The following TASP1 variants were observed in gnomAD, a reference collection of about 807,000 sequenced individuals.
TASP1 encodes the protein taspase 1.
A neutral mutation model predicts 56.6 loss-of-function variants in TASP1; 16 were observed. That is an observed-to-expected ratio of 0.28 (90% CI 0.19 to 0.43). TASP1 has a LOEUF of 0.43. TASP1 is among the 20% of genes least tolerant of loss of function. TASP1 has a pLI of 1.00. For missense variants in TASP1, 393 were observed against 511.6 expected (o/e 0.77, Z 2.24); for synonymous variants, 179 against 184.2 (o/e 0.97, Z 0.23).
At chr20:13,393,641 G>A (rs2041380553) in intron 13 of TASP1, 1 of 1,287,542 alleles carries the variant, frequency 7.8e-7, no homozygotes, top group Non-Finnish European at 1.1e-6. Flanking sequence ...ATATGGTGGT[G>A]GACCTCATGG....
At chr20:13,362,834 T>TATATAC in the TASP1 span, among the ~76,000 whole-genome samples, 2 of 130,618 alleles carry the variant, frequency 1.5e-5, no homozygotes, top group African/African-American at 6.2e-5. Flanking sequence ...TATATATATA[T>TATATAC]ATATTTGTCT....
the TASP1 span, among the ~76,000 whole-genome samples, chr20:13,316,920 A>G: frequency 6.6e-6 from 1 of 151,800 alleles, no homozygotes; most frequent in African/African-American, 2.4e-5. Context: ...ACATCATACT[A>G]CAAGTCCTAT....
intron 8 of TASP1, among the ~76,000 whole-genome samples, chr20:13,550,518 G>A (rs1297957658): frequency 6.6e-6 from 1 of 151,776 alleles, no homozygotes; most frequent in Non-Finnish European, 1.5e-5. Context: ...TCATTTCACA[G>A]AATGAGTTTT....
At chr20:13,519,502 C>A (rs144584646) in intron 10 of TASP1, among the ~76,000 whole-genome samples, 1,829 of 152,244 alleles carry the variant, frequency 0.012, 17 homozygotes, top group Non-Finnish European at 0.021. Context: ...AGCATATAAA[C>A]AGAACCAATG....
chr20:13,569,451 T>C lies in TASP1; in HGVS notation c.568+56A>G, dbSNP rs183542089. On this transcript the variant is annotated intron_variant, in intron 7 of 13. Transcript: ENST00000337743. ...TACATGGGTCATAACAGAAGCAATA[T>C]TATACTTTAGGTATATATGCTCATA... is the stretch of plus-strand genomic sequence containing the variant. 7.9e-5 allele frequency: 107 copies of C among 1,345,952 alleles called. 2 individuals carry two copies. In the East Asian group the frequency reaches 2.3e-3, roughly 29 times the overall value. 83.4% of individuals were successfully genotyped at this position (1,345,952 alleles called of 1,614,324 possible). A position where few individuals can be genotyped will look rare whatever the true frequency, so the allele number is the denominator to read the frequency against.
chr20:13,626,665 GA>G (rs2048902713), intron 2 of TASP1, among the ~76,000 whole-genome samples: 1 of 152,112 alleles, frequency 6.6e-6, no homozygotes. Context: ...TGTTTCTCAA[GA>G]GAACTCTGAA....
At chr20:13,288,076 G>T in the TASP1 span, among the ~76,000 whole-genome samples, 3 of 152,192 alleles carry the variant, frequency 2.0e-5, no homozygotes, top group East Asian at 3.9e-4. Context: ...ATCTTTCACA[G>T]TAACTGGATT....
chr20:13,307,339 C>T, the TASP1 span, among the ~76,000 whole-genome samples: 5 of 152,134 alleles, frequency 3.3e-5, no homozygotes, highest in Non-Finnish European at 2.9e-5. Context: ...CATAAGTTCA[C>T]GGCTCAATGA....
the TASP1 span, among the ~76,000 whole-genome samples, chr20:13,367,266 T>C: frequency 6.6e-6 from 1 of 152,244 alleles, no homozygotes; most frequent in South Asian, 2.1e-4. Context: ...TTAACTGTCT[T>C]GGGCTTTGTG....
intron 6 of TASP1, among the ~76,000 whole-genome samples, chr20:13,574,502 G>A (rs1376503730): frequency 3.3e-5 from 5 of 152,054 alleles, no homozygotes; most frequent in East Asian, 1.9e-4. Flanking sequence ...TCATTCAATC[G>A]AAAACAATCC....
At chr20:13,333,286 AG>A in the TASP1 span, among the ~76,000 whole-genome samples, 1 of 152,214 alleles carries the variant, frequency 6.6e-6, no homozygotes, top group Non-Finnish European at 1.5e-5. Flanking sequence ...TGTGGAATCA[AG>A]TGTGACATTT....
intron 12 of TASP1, among the ~76,000 whole-genome samples, chr20:13,420,838 G>C (rs1271258031): frequency 6.6e-6 from 1 of 152,094 alleles, no homozygotes; most frequent in Non-Finnish European, 1.5e-5. Context: ...TGGACTCTGG[G>C]ATCACAAAGC....
intron 8 of TASP1, among the ~76,000 whole-genome samples, chr20:13,544,696 T>C (rs759817113): frequency 3.3e-5 from 5 of 152,236 alleles, no homozygotes; most frequent in Non-Finnish European, 7.3e-5. Flanking sequence ...AATTTAGTTG[T>C]CCAATTTGGC....
intron 10 of TASP1, among the ~76,000 whole-genome samples, chr20:13,484,726 G>C (rs1195139087): frequency 1.1e-5 from 1 of 92,168 alleles, no homozygotes; most frequent in African/African-American, 4.1e-5. Context: ...ACAAGAACAA[G>C]ATTTCTCAAA....
the TASP1 span, among the ~76,000 whole-genome samples, chr20:13,246,860 C>T: frequency 1.3e-5 from 2 of 152,120 alleles, no homozygotes; most frequent in African/African-American, 4.8e-5. Flanking sequence ...ATAACTCCTG[C>T]ATTGTAATTA....
chr20:13,608,624 T>C (rs1192947508), intron 4 of TASP1, among the ~76,000 whole-genome samples: 3 of 152,258 alleles, frequency 2.0e-5, no homozygotes, highest in African/African-American at 7.2e-5. Context: ...ATGAATTTCA[T>C]ATACTTCTCT....
chr20:13,555,126 G>A (rs1005249925), intron 8 of TASP1, among the ~76,000 whole-genome samples: 1 of 152,118 alleles, frequency 6.6e-6, no homozygotes, highest in Non-Finnish European at 1.5e-5. Flanking sequence ...GCTCATGCCT[G>A]TAATCCCAGC....
chr20:13,583,776 T>C (rs1204294858), intron 5 of TASP1, among the ~76,000 whole-genome samples: 3 of 152,196 alleles, frequency 2.0e-5, no homozygotes, highest in Non-Finnish European at 2.9e-5. Context: ...GAGAACTAAA[T>C]GATTTAAAAT....
At chr20:13,270,569 A>C in the TASP1 span, 1 of 1,613,950 alleles carries the variant, frequency 6.2e-7, no homozygotes, top group Non-Finnish European at 8.5e-7. Context: ...AAGAAGCACC[A>C]AGGGAGCATC....
Sources: allele counts gnomAD v4.1 joint callset (sites outside exome capture counted in the v4.1 genomes callset), GRCh38; gene constraint gnomAD v4.1.1; transcripts MANE v1.5; gene names NCBI Gene and HGNC (gene_info 2026-07-23, HGNC 2026-07-21).